SPTLC3: variants seen among roughly 807,000 people sequenced by gnomAD.
SPTLC3 encodes the protein serine palmitoyltransferase long chain base subunit 3, also known as serine palmitoyltransferase 3.
SPTLC3 carries 36 observed loss-of-function variants against 59.3 expected under a neutral mutation model. That is an observed-to-expected ratio of 0.61 (90% confidence interval 0.47 to 0.80). SPTLC3 has a LOEUF of 0.80. Ranked by LOEUF, SPTLC3 falls within the 30% of genes least tolerant of loss-of-function variation. SPTLC3 has a pLI of 0.00. For synonymous variants in SPTLC3, 257 were observed against 240.8 expected (o/e 1.07, Z -0.62); for missense variants, 625 against 685.1 (o/e 0.91, Z 0.98).
At chr20:13,055,061 A>G (rs1987663161) in intron 2 of SPTLC3, among the ~76,000 whole-genome samples, 1 of 152,028 alleles carries the variant, frequency 6.6e-6, no homozygotes, top group Admixed American at 6.6e-5. Flanking sequence ...GAGAATATTT[A>G]GGAGGTATCA....
intron 1 of SPTLC3, among the ~76,000 whole-genome samples, chr20:13,020,414 C>T (rs1408008517): frequency 6.6e-6 from 1 of 151,872 alleles, no homozygotes; most frequent in African/African-American, 2.4e-5. Flanking sequence ...GTAGCCTTAG[C>T]TATCCCAGGA....
chr20:13,015,785 C>T (rs983592149), intron 1 of SPTLC3, among the ~76,000 whole-genome samples: 3 of 151,744 alleles, frequency 2.0e-5, no homozygotes, highest in Admixed American at 1.3e-4. Flanking sequence ...AGTACATGAA[C>T]AGATAGATAA....
intron 2 of SPTLC3, among the ~76,000 whole-genome samples, chr20:13,064,456 C>A (rs773515829): frequency 6.6e-6 from 1 of 152,048 alleles, no homozygotes; most frequent in Non-Finnish European, 1.5e-5. Context: ...CCACCGCGCC[C>A]GGCTAATTTT....
At chr20:13,064,287 T>G (rs1298472026) in intron 2 of SPTLC3, among the ~76,000 whole-genome samples, 2 of 41,778 alleles carry the variant, frequency 4.8e-5, no homozygotes, top group Admixed American at 2.2e-4. Flanking sequence ...TTTTTTTGTT[T>G]TGTTTTTGTT....
intron 2 of SPTLC3, among the ~76,000 whole-genome samples, chr20:13,069,096 C>A (rs542646047): frequency 6.6e-6 from 1 of 152,108 alleles, no homozygotes; most frequent in South Asian, 2.1e-4. Flanking sequence ...TTCAAGCCAA[C>A]GCCAAGTTCC....
intron 1 of SPTLC3, among the ~76,000 whole-genome samples, chr20:13,040,663 T>A (rs953534990): frequency 6.6e-6 from 1 of 151,774 alleles, no homozygotes; most frequent in Non-Finnish European, 1.5e-5. Context: ...AATTTCATAA[T>A]CACCTTTGCC....
At chr20:13,096,799 A>C (rs1212403481) in intron 6 of SPTLC3, among the ~76,000 whole-genome samples, 2 of 152,128 alleles carry the variant, frequency 1.3e-5, no homozygotes, top group Non-Finnish European at 2.9e-5. Flanking sequence ...TTATAATCAT[A>C]CAACATATAT....
chr20:13,066,250 A>G (rs1299686724), intron 2 of SPTLC3, among the ~76,000 whole-genome samples: 1 of 99,482 alleles, frequency 1.0e-5, no homozygotes, highest in Non-Finnish European at 2.3e-5. Context: ...ATATAGTATG[A>G]GAAAAGAATC....
At chr20:13,113,342 T>C (rs1050490033) in intron 7 of SPTLC3, among the ~76,000 whole-genome samples, 12 of 152,136 alleles carry the variant, frequency 7.9e-5, no homozygotes, top group Non-Finnish European at 1.6e-4. Flanking sequence ...AATTTTAACT[T>C]CCAGATTTTT....
chr20:13,138,073 C>T (rs2038291277), intron 9 of SPTLC3, among the ~76,000 whole-genome samples: 4 of 152,284 alleles, frequency 2.6e-5, no homozygotes, highest in South Asian at 2.1e-4. Context: ...AATATTGTCC[C>T]CTTTCCTGTG....
At chr20:13,087,323 T>A (rs1158601013) in intron 4 of SPTLC3, among the ~76,000 whole-genome samples, 2 of 152,196 alleles carry the variant, frequency 1.3e-5, no homozygotes, top group South Asian at 2.1e-4. Flanking sequence ...TGGAGATGCA[T>A]CATGAACTTC....
intron 4 of SPTLC3, 50 bp downstream of exon 4, chr20:13,074,547 CT>C: frequency 6.4e-7 from 1 of 1,557,366 alleles, no homozygotes; most frequent in Non-Finnish European, 8.7e-7. Flanking sequence ...TCTCAGATTC[CT>C]TGTGTCTGTC....
chr20:13,072,430 G>T lies in SPTLC3; in HGVS notation c.458+20G>T, dbSNP rs1391014636. ...GTTTAGGTGAGAGAACTTCTTGGAG[G>T]GGATTGGTGAAAAGAAAAACCTTTC... On this transcript the variant is annotated intron_variant, in intron 3 of 11. Transcript: ENST00000399002. 6.5e-7 allele frequency: 1 copy of T among 1,540,322 alleles called. No individual in the cohort carries two copies. The highest frequency in any genetic ancestry group is 8.7e-7 in the Non-Finnish European group (1 of 1,145,720).
intron 8 of SPTLC3, among the ~76,000 whole-genome samples, chr20:13,122,347 C>T (rs529527945): frequency 6.6e-6 from 1 of 152,298 alleles, no homozygotes; most frequent in South Asian, 2.1e-4. Flanking sequence ...CAGGAACTCC[C>T]CACCTGCTCC....
At chr20:13,119,504 T>C (rs908991428) in intron 8 of SPTLC3, among the ~76,000 whole-genome samples, 2 of 152,216 alleles carry the variant, frequency 1.3e-5, no homozygotes, top group African/African-American at 2.4e-5. Context: ...AAAATTACCA[T>C]TATTTACATT....
intron 1 of SPTLC3, among the ~76,000 whole-genome samples, chr20:13,019,037 C>T (rs1349127767): frequency 1.3e-5 from 2 of 152,180 alleles, no homozygotes; most frequent in African/African-American, 4.8e-5. Flanking sequence ...CATCTGAATC[C>T]TGCTCTCCTG....
rs56342546 is a variant in SPTLC3, at chr20:13,025,557, T to C, written c.117+16173T>C. 9.5e-3 allele frequency among the ~76,000 whole-genome samples: 1,447 copies of C among 152,218 alleles called. 21 individuals carry two copies. Among genetic ancestry groups the C allele is most frequent in the African/African-American group, 0.034 (1,394 of 41,528 alleles). ...GGTGAGAAATTAATAAGATAATGCA[T>C]GCAAAGCCTTAGAACAGTGCAGGCA... On this transcript the variant is annotated intron_variant, in intron 1 of 11. Transcript: ENST00000399002.
At chr20:13,130,434 C>T (rs1348938981) in intron 9 of SPTLC3, among the ~76,000 whole-genome samples, 1 of 152,218 alleles carries the variant, frequency 6.6e-6, no homozygotes, top group Non-Finnish European at 1.5e-5. Flanking sequence ...AGATCTGTTC[C>T]TTGATGAATG....
At chr20:13,164,491 ATTC>A (rs2038958442) in intron 11 of SPTLC3, 1 of 534,620 alleles carries the variant, frequency 1.9e-6, no homozygotes, top group African/African-American at 1.9e-5. Flanking sequence ...ACATGTTTTT[ATTC>A]TTCTCTTCAC....
Sources: allele counts gnomAD v4.1 joint callset (sites outside exome capture counted in the v4.1 genomes callset), GRCh38; gene constraint gnomAD v4.1.1; transcripts MANE v1.5; gene names NCBI Gene and HGNC (gene_info 2026-07-23, HGNC 2026-07-21).